Variants in HMCN2 observed in about 807,000 individuals in gnomAD.
HMCN2 encodes hemicentin 2.
HMCN2 carries 325 observed loss-of-function variants against 377.5 expected under a neutral mutation model. The observed-to-expected ratio is 0.86, with a 90% CI of 0.79 to 0.94. The LOEUF (loss-of-function observed/expected upper bound fraction) is 0.94, where lower values mean the gene tolerates loss of function less well. Ranked by LOEUF, HMCN2 falls within the 40% of genes least tolerant of loss-of-function variation. The pLI is 0.00. For missense variants in HMCN2, 4,543 were observed against 4,725.3 expected, an observed-to-expected ratio of 0.96 and a Z score of 1.13; for synonymous variants, 2,007 against 2,046.8, an observed-to-expected ratio of 0.98 and a Z score of 0.53.
intron 54 of HMCN2, among the ~76,000 whole-genome samples, chr9:130,379,746 G>A (rs1053966468): frequency 1.1e-4 from 17 of 152,254 alleles, no homozygotes; most frequent in African/African-American, 4.1e-4. Flanking sequence ...TGCAGAGGCA[G>A]CTGGCTTCTT....
intron 22 of HMCN2, among the ~76,000 whole-genome samples, chr9:130,330,816 G>A (rs1294141459): frequency 1.3e-5 from 2 of 151,958 alleles, no homozygotes; most frequent in African/African-American, 4.8e-5. Flanking sequence ...TCTGGCCCAC[G>A]TCACTTGCTT....
rs1415709056 is a variant in HMCN2, at chr9:130,304,976, G to A, written c.1790G>A (p.Arg597Lys). ...CVASNANGVT[R>K]ASVWLLVREA... Reference sequence around the variant, plus strand: ...GCCAGCAATGCCAATGGGGTCACAAGGGCATCCGTCTGGCTCCTGGTGCGA... The same window carrying A: ...GCCAGCAATGCCAATGGGGTCACAAAGGCATCCGTCTGGCTCCTGGTGCGA... Residue 597 changes from arginine to lysine, a missense_variant, in exon 11 of 98, where the codon AGG (arginine) becomes AAG (lysine). Arg to Lys is a conservative substitution (Grantham distance 26, BLOSUM62 2). This residue lies in a region of HMCN2 where 547 missense variants were observed against 189.9 expected (regional missense o/e 2.88). Transcript: ENST00000683500. The surrounding 1 kb of genome is among the most constrained non-coding windows in gnomAD (Gnocchi z 4.3). 2.1e-6 allele frequency: 1 copy of A among 471,004 alleles called. No individual in the cohort carries two copies. The highest frequency in any genetic ancestry group is 2.3e-5 in the Admixed American group (1 of 42,586). 29.2% of individuals were successfully genotyped at this position (471,004 alleles called of 1,614,324 possible).
rs1038913674 is a variant in HMCN2, at chr9:130,408,831, C to T, written c.12777C>T (p.Asp4259=). The change falls in exon 84 of 98, where the codon GAC becomes GAT. Residue 4259 remains aspartate, a synonymous_variant. Transcript: ENST00000683500. ...AGCTAGACTGTGTGGTGCGTGGAGA[C>T]CCAGTGCCGGACATCCACTGGATCA... is the stretch of plus-strand genomic sequence containing the variant. ...SIQLDCVVRG[D]PVPDIHWIKD... is the part of the protein sequence containing the mutation. 4.7e-6 allele frequency: 6 copies of T among 1,289,628 alleles called. No homozygotes were observed. In the Admixed American group the frequency reaches 1.4e-4, roughly 30 times the overall value. The allele number at this position is 1,289,628 out of a possible 1,614,324, so 79.9% of individuals were successfully genotyped here.
At chr9:130,348,938 T>A in intron 27 of HMCN2, 46 bp from the exon 28 acceptor site, 2 of 1,287,290 alleles carry the variant, frequency 1.6e-6, no homozygotes, top group South Asian at 2.5e-5. Flanking sequence ...CTGGGGGTGG[T>A]GGCTGGATCC....
At chr9:130,431,178 G>T in intron 95 of HMCN2, 189 bp from the exon 96 acceptor site, 1 of 623,242 alleles carries the variant, frequency 1.6e-6, no homozygotes. Context: ...GTAAGGTGGG[G>T]CTCCTCCCTC....
At chr9:130,287,879 G>A (rs1368863556) in intron 4 of HMCN2, among the ~76,000 whole-genome samples, 2 of 152,340 alleles carry the variant, frequency 1.3e-5, no homozygotes, top group Non-Finnish European at 2.9e-5. Context: ...GTTGCCTCTG[G>A]GAGAGGGTTT....
Position 130,361,616 on chromosome 9 carries a change from G to A in HMCN2, c.5951-392G>A, listed in dbSNP as rs1422282877. On this transcript the variant is annotated intron_variant, in intron 38 of 97. Transcript: ENST00000683500. This position sits in a 1 kb window ranked among gnomAD's most constrained non-coding sequence, Gnocchi z 4.8. Reference sequence around the variant, plus strand: ...TTCTGGCTATTTTCTGCCAAAAGGGGACTGCCTGTAATATGGTATTTCATC... The same window carrying A: ...TTCTGGCTATTTTCTGCCAAAAGGGAACTGCCTGTAATATGGTATTTCATC... Among the ~76,000 whole-genome samples, 1 of 152,192 alleles carries A rather than the reference G, an allele frequency of 6.6e-6. No homozygotes were observed. Among genetic ancestry groups the A allele is most frequent in the African/African-American group, 2.4e-5 (1 of 41,432 alleles).
At chr9:130,267,652 T>C (rs1834194827) in intron 1 of HMCN2, among the ~76,000 whole-genome samples, 1 of 152,250 alleles carries the variant, frequency 6.6e-6, no homozygotes, top group African/African-American at 2.4e-5. Context: ...TAGTTCTACG[T>C]AGGCTTCAGG....
In HMCN2 at chr9:130,342,334, T is replaced by C. The variant is rs1316231003; in HGVS notation, c.3743-16T>C. On this transcript the variant is annotated splice_polypyrimidine_tract_variant and intron_variant, in intron 24 of 97. Coordinates refer to ENST00000683500, the MANE Select transcript of HMCN2 (RefSeq NM_001291815.2). Reference sequence around the variant, plus strand: ...TGGGCCCGAGGTAGGAGTGTGGCCATGTTGCCTCCCTACAGAGCCACCACA... The same window carrying C: ...TGGGCCCGAGGTAGGAGTGTGGCCACGTTGCCTCCCTACAGAGCCACCACA... 6.6e-6 allele frequency: 1 copy of C among 152,226 alleles called. No individual in the cohort carries two copies. The highest frequency in any genetic ancestry group is 1.5e-5 in the Non-Finnish European group (1 of 68,076). 9.4% of individuals were successfully genotyped at this position (152,226 alleles called of 1,614,324 possible).
chr9:130,382,262 G>T lies in HMCN2; in HGVS notation c.8510G>T (p.Gly2837Val), dbSNP rs901351544. The change falls in exon 55 of 98, where the codon GGC (glycine) becomes GTC (valine). Residue 2837 changes from glycine to valine, a missense_variant. Around this residue, in one of 5 missense-constraint regions of HMCN2, gnomAD observed 736 missense variants for 773.2 expected, o/e 0.95. Transcript: ENST00000683500. ...TCGTGCAAGGCCTCCAACGAGGTGG[G>T]CGAGGACTGGCTGCACTACGAGCTG... ...RYSCKASNEVGEDWLHYELLV... is the reference protein window; with the variant it reads ...RYSCKASNEVVEDWLHYELLV... 1.0e-6 allele frequency: 1 copy of T among 985,752 alleles called. No individual in the cohort carries two copies. The allele number at this position is 985,752 out of a possible 1,614,324, so 61.1% of individuals were successfully genotyped here.
At chr9:130,408,993 AT>A (rs1252451558) in intron 84 of HMCN2, 60 bp downstream of exon 84, 1 of 1,139,336 alleles carries the variant, frequency 8.8e-7, no homozygotes, top group African/African-American at 1.6e-5. Flanking sequence ...GCTTTTTCAG[AT>A]TGTTCAAGAG....
Position 130,431,467 on chromosome 9 carries a change from C to T in HMCN2, c.14748C>T (p.Pro4916=). ...CLCPAGYRLL[P]SGKNCQDINE... ...GCCCCGCCGGCTACCGTCTGCTCCC[C>T]AGCGGGAAGAACTGCCAGGGTGAGC... Residue 4916 remains proline, a synonymous_variant, in exon 96 of 98, where the codon CCC becomes CCT. Coordinates refer to ENST00000683500, the MANE Select transcript of HMCN2 (RefSeq NM_001291815.2). 2 of 1,549,782 alleles carry T rather than the reference C, an allele frequency of 1.3e-6. No homozygotes were observed. The highest frequency in any genetic ancestry group is 1.7e-6 in the Non-Finnish European group (2 of 1,146,808).
chr9:130,385,523 A>C, intron 59 of HMCN2, 37 bp from the exon 60 acceptor site: 1 of 1,264,836 alleles, frequency 7.9e-7, no homozygotes, highest in Non-Finnish European at 1.0e-6. Context: ...GCGCAGGGAC[A>C]GCTGCAGCAC....
At chr9:130,346,635 G>C (rs897775233) in intron 25 of HMCN2, among the ~76,000 whole-genome samples, 2 of 152,152 alleles carry the variant, frequency 1.3e-5, no homozygotes, top group Non-Finnish European at 2.9e-5. Flanking sequence ...AGCACGGCAG[G>C]CTTGGCTCGT....
chr9:130,376,087 C>A, intron 51 of HMCN2, 98 bp downstream of exon 51: 1 of 300,244 alleles, frequency 3.3e-6, no homozygotes, highest in Non-Finnish European at 4.9e-6. Flanking sequence ...TCCAGGGAGT[C>A]TCCATGTGGC....
chr9:130,290,435 GAC>G (rs1372996510), intron 4 of HMCN2, among the ~76,000 whole-genome samples: 5 of 152,214 alleles, frequency 3.3e-5, no homozygotes, highest in African/African-American at 4.8e-5. Flanking sequence ...CAGCAGTTAC[GAC>G]ACAGTAGCGG....
chr9:130,393,219 A>C lies in HMCN2; in HGVS notation c.10144A>C (p.Lys3382Gln). The C allele has an allele frequency of 1.0e-6, 1 of 987,972 alleles. No individual in the cohort carries two copies. Among genetic ancestry groups the C allele is most frequent in the Non-Finnish European group, 1.2e-6 (1 of 830,192 alleles). 61.2% of individuals were successfully genotyped at this position (987,972 alleles called of 1,614,324 possible). The change falls in exon 67 of 98, where the codon AAG (lysine) becomes CAG (glutamine). Residue 3382 changes from lysine (K) to glutamine (Q), a missense_variant. Lys to Gln is a moderately conservative substitution (Grantham distance 53). Coordinates refer to ENST00000683500, the MANE Select transcript of HMCN2 (RefSeq NM_001291815.2). The surrounding 1 kb of genome is among the most constrained non-coding windows in gnomAD (Gnocchi z 5.2). ...HGSGHTLRIS[K>Q]VQLADAGIFT... ...TCCTCTCGGGGGATTCAGGATTTCC[A>C]AGGTGCAATTGGCAGACGCTGGCAT...
intron 97 of HMCN2, 120 bp downstream of exon 97, chr9:130,432,675 C>T (rs1034152815): frequency 5.7e-5 from 66 of 1,150,346 alleles, no homozygotes; most frequent in South Asian, 2.0e-4. Flanking sequence ...CAGGAACGCA[C>T]GGAGCCCTGG....
At chr9:130,305,960 C>T (rs992925675) in intron 11 of HMCN2, among the ~76,000 whole-genome samples, 169 bp from the exon 12 acceptor site, 4 of 152,198 alleles carry the variant, frequency 2.6e-5, no homozygotes, top group Non-Finnish European at 4.4e-5. Context: ...CCTGGTCTAC[C>T]CAATTCCCAG....
Sources: gnomAD v4.1 joint callset for allele counts (sites outside exome capture counted in the v4.1 genomes callset) on GRCh38, gnomAD v4.1.1 for gene constraint, gnomAD v4.1.1 regional missense constraint, Gnocchi (gnomAD v3.1) non-coding constraint, MANE v1.5 for transcripts, NCBI Gene and HGNC (gene_info 2026-07-23, HGNC 2026-07-21) for gene names.